The following FANCB variants were observed in gnomAD, a reference collection of about 807,000 sequenced individuals.
The protein encoded by FANCB is Fanconi anemia group B protein.
In FANCB, 5 loss-of-function variants were observed where a neutral mutation model predicts 38.9. The observed-to-expected ratio is 0.13, with a 90% CI of 0.07 to 0.27. FANCB has a LOEUF of 0.27. Ranked by LOEUF, FANCB falls within the 10% of genes least tolerant of loss-of-function variation. The pLI is 1.00. For synonymous variants in FANCB, 236 were observed against 215.4 expected (o/e 1.10, Z -0.84); for missense variants, 573 against 602.7 (o/e 0.95, Z 0.52).
chrX:14,773,523 A>T, the FANCB span, among the ~76,000 whole-genome samples: 1 of 112,000 alleles, frequency 8.9e-6, no homozygotes, highest in East Asian at 2.8e-4. Context: ...TGGAAGAAAA[A>T]GGAGAGAGAA....
chrX:14,857,251 C>T (rs1274087695), intron 5 of FANCB, among the ~76,000 whole-genome samples: 2 of 112,258 alleles, frequency 1.8e-5, no homozygotes, highest in Admixed American at 1.9e-4. Flanking sequence ...AAAGAACATA[C>T]ATCTTATAAT....
At chrX:14,860,205 A>G (rs2092440787) in intron 3 of FANCB, among the ~76,000 whole-genome samples, 1 of 112,038 alleles carries the variant, frequency 8.9e-6, no homozygotes, top group Non-Finnish European at 1.9e-5. Context: ...AGCAGCACAG[A>G]TACATCATCT....
rs1388532388 is a variant in FANCB, at chrX:14,857,872, G to A, written c.1187C>T (p.Thr396Ile). The A allele has an allele frequency of 8.5e-7, 1 of 1,178,405 alleles. No homozygotes were observed. The highest frequency in any genetic ancestry group is 1.8e-5 in the South Asian group (1 of 56,136). Residue 396 changes from threonine (T) to isoleucine (I), a missense_variant, in exon 5 of 10, where the codon ACA becomes ATA. By Grantham distance (89) the Thr-to-Ile change is moderately conservative. Transcript: ENST00000650831. ...CAAACAGACACTAACTTTCAGTCCTGTTTCTAGAGGTGGAACCACCAGGTA... is the reference window on the plus strand; with the variant it reads ...CAAACAGACACTAACTTTCAGTCCTATTTCTAGAGGTGGAACCACCAGGTA... ...NRYLVVPPLE[T>I]GLKVCFSSFR...
the FANCB span, among the ~76,000 whole-genome samples, chrX:14,775,181 T>G: frequency 1.0e-5 from 1 of 98,581 alleles, no homozygotes; most frequent in African/African-American, 3.6e-5. Flanking sequence ...TTTTTTTTTT[T>G]TTTTTTTACT....
the FANCB span, among the ~76,000 whole-genome samples, chrX:14,783,384 A>G: frequency 2.7e-5 from 3 of 111,044 alleles, no homozygotes; most frequent in East Asian, 8.5e-4. Flanking sequence ...TAAATCCCCA[A>G]CCTCCCAATG....
In FANCB at chrX:14,846,323, A is replaced by G. The variant is rs750090269; in HGVS notation, c.1497-1037T>C. On this transcript the variant is annotated intron_variant, in intron 7 of 9. Transcript: ENST00000650831. ...ACAACAGACCAAACTAACAAAACAC[A>G]TATTTCCTACCTCTGCTTACTAAAA... 1.2e-3 allele frequency among the ~76,000 whole-genome samples: 139 copies of G among 111,707 alleles called. 1 individual carries two copies. Among genetic ancestry groups the G allele is most frequent in the Non-Finnish European group, 2.3e-3 (121 of 53,010 alleles).
the FANCB span, chrX:14,690,961 T>G: frequency 1.1e-6 from 1 of 887,047 alleles, no homozygotes; most frequent in South Asian, 2.3e-5. Flanking sequence ...GAAGCCAAGG[T>G]TAATTTTTGT....
chrX:14,814,066 A>C, the FANCB span, among the ~76,000 whole-genome samples: 1 of 112,051 alleles, frequency 8.9e-6, no homozygotes, highest in Non-Finnish European at 1.9e-5. Flanking sequence ...CAAAAACAAG[A>C]AATGGGGAAA....
chrX:14,747,743 G>A, the FANCB span, among the ~76,000 whole-genome samples: 5 of 111,856 alleles, frequency 4.5e-5, no homozygotes, highest in Non-Finnish European at 7.5e-5. Flanking sequence ...TATTAATTTC[G>A]GTTGGTTTGG....
At chrX:14,775,158 A>ATTTTT in the FANCB span, among the ~76,000 whole-genome samples, 2 of 28,476 alleles carry the variant, frequency 7.0e-5, no homozygotes, top group Non-Finnish European at 1.7e-4. Flanking sequence ...TATTTCTCTA[A>ATTTTT]TGTTTTTTTT....
the FANCB span, among the ~76,000 whole-genome samples, chrX:14,712,204 A>G: frequency 2.7e-5 from 3 of 112,545 alleles, no homozygotes; most frequent in African/African-American, 3.2e-5. Context: ...TTGAGATTTG[A>G]TGCTAGATAA....
In FANCB at chrX:14,865,233, T is replaced by G; in HGVS notation, c.278A>C (p.Tyr93Ser). 8.7e-7 allele frequency: 1 copy of G among 1,149,375 alleles called. No homozygotes were observed. Among genetic ancestry groups the G allele is most frequent in the Non-Finnish European group, 1.2e-6 (1 of 863,376 alleles). 94.7% of individuals were successfully genotyped at this position (1,149,375 alleles called of 1,213,427 possible). A position where few individuals can be genotyped will look rare whatever the true frequency, so the allele number is the denominator to read the frequency against. ...SDFRTGINLP[Y>S]IVIEKNKKNN... ...CTTTTTATTTTTTTCTATCACAATG[T>G]AAGGGAGGTTAATTCCAGTTCTGAA... The change falls in exon 3 of 10, where the codon TAC (tyrosine) becomes TCC (serine). Residue 93 changes from tyrosine (Y) to serine (S), a missense_variant. Coordinates refer to ENST00000650831, the MANE Select transcript of FANCB (RefSeq NM_001018113.3).
At chrX:14,822,935 A>G in the FANCB span, among the ~76,000 whole-genome samples, 5 of 111,167 alleles carry the variant, frequency 4.5e-5, no homozygotes, top group Admixed American at 9.6e-5. Context: ...GAATCACATT[A>G]TATTTGGTGT....
At chrX:14,770,236 G>A in the FANCB span, among the ~76,000 whole-genome samples, 1 of 111,798 alleles carries the variant, frequency 8.9e-6, no homozygotes, top group African/African-American at 3.3e-5. Flanking sequence ...TATTGTCAGT[G>A]GGGTGTTAAA....
the FANCB span, among the ~76,000 whole-genome samples, chrX:14,790,004 C>T: frequency 8.9e-6 from 1 of 112,120 alleles, no homozygotes; most frequent in African/African-American, 3.2e-5. Flanking sequence ...GAATAGGAGA[C>T]AGAAACAATT....
At chrX:14,862,782 A>C (rs1240069955) in intron 3 of FANCB, among the ~76,000 whole-genome samples, 1 of 111,831 alleles carries the variant, frequency 8.9e-6, no homozygotes, top group Non-Finnish European at 1.9e-5. Flanking sequence ...AAATTTCATA[A>C]AGGAGGAAAA....
chrX:14,811,543 A>G, the FANCB span, among the ~76,000 whole-genome samples: 1 of 111,347 alleles, frequency 9.0e-6, no homozygotes, highest in African/African-American at 3.3e-5. Flanking sequence ...CAGACTTTAA[A>G]CCAACAAAGA....
chrX:14,725,020 G>T, the FANCB span, among the ~76,000 whole-genome samples: 11 of 111,728 alleles, frequency 9.8e-5, no homozygotes, highest in Non-Finnish European at 1.7e-4. Flanking sequence ...TTTGGAATCA[G>T]TTTTAGAATC....
At chrX:14,755,135 T>C in the FANCB span, among the ~76,000 whole-genome samples, 1 of 111,783 alleles carries the variant, frequency 8.9e-6, no homozygotes, top group Non-Finnish European at 1.9e-5. Context: ...AAATTAGGTA[T>C]ACAAGGAATG....
Sources: allele counts gnomAD v4.1 joint callset (sites outside exome capture counted in the v4.1 genomes callset), GRCh38; gene constraint gnomAD v4.1.1; transcripts MANE v1.5; gene names NCBI Gene and HGNC (gene_info 2026-07-23, HGNC 2026-07-21).